Variants in SLC11A2 observed in about 807,000 individuals in gnomAD.
SLC11A2 encodes the protein natural resistance-associated macrophage protein 2.
SLC11A2 carries 38 observed loss-of-function variants against 68.0 expected under a neutral mutation model. That is an observed-to-expected ratio of 0.56 (90% CI 0.43 to 0.73). SLC11A2 has a LOEUF of 0.73. Among genes scored for constraint, SLC11A2 ranks in the 30% least tolerant of loss-of-function variants. The pLI is 0.00. For missense variants in SLC11A2, 517 were observed against 690.5 expected (o/e 0.75, Z 2.82); for synonymous variants, 242 against 250.6 (o/e 0.97, Z 0.32).
chr12:51,017,293 A>G (rs1282691705), intron 1 of SLC11A2, among the ~76,000 whole-genome samples: 2 of 152,248 alleles, frequency 1.3e-5, no homozygotes, highest in Non-Finnish European at 2.9e-5. Context: ...AATACCATGC[A>G]ACCACTATAA....
At chr12:51,014,976 C>T (rs1413769976) in intron 1 of SLC11A2, among the ~76,000 whole-genome samples, 1 of 151,752 alleles carries the variant, frequency 6.6e-6, no homozygotes, top group East Asian at 1.9e-4. Context: ...GCCTGGCCAA[C>T]ATGGTGAAAC....
chr12:50,966,709 A>G, the SLC11A2 span, among the ~76,000 whole-genome samples: 1 of 152,174 alleles, frequency 6.6e-6, no homozygotes, highest in African/African-American at 2.4e-5. Flanking sequence ...TCTATTGGCA[A>G]AGGAGTCTCA....
rs563772490 is a variant in SLC11A2, at chr12:51,002,742, C to A, written c.429+2046G>T. The stretch of plus-strand genomic sequence containing the variant: ...AGATCACGAGGTCAGGAGTTTGAGA[C>A]CAGTCTGGCCAACATAGTGAAACCT... On this transcript the variant is annotated intron_variant, in intron 5 of 15. Transcript: ENST00000262052. 4.0e-5 allele frequency among the ~76,000 whole-genome samples: 6 copies of A among 149,478 alleles called. No individual in the cohort carries two copies. The South Asian group carries it at 1.3e-3, about 32-fold the overall frequency.
chr12:51,012,200 C>G (rs1943286574), intron 1 of SLC11A2, among the ~76,000 whole-genome samples: 1 of 152,160 alleles, frequency 6.6e-6, no homozygotes, highest in African/African-American at 2.4e-5. Flanking sequence ...ACTAAGCAAC[C>G]CGCAGTGGGG....
At chr12:51,024,867 C>G (rs979975381) in intron 1 of SLC11A2, 3 of 152,168 alleles carry the variant, frequency 2.0e-5, no homozygotes, top group Non-Finnish European at 4.4e-5. Flanking sequence ...ATTCCCCTCC[C>G]GAGTCCCACT....
chr12:50,994,467 G>T, intron 11 of SLC11A2, 77 bp downstream of exon 11: 1 of 895,376 alleles, frequency 1.1e-6, no homozygotes, highest in Non-Finnish European at 1.9e-6. Flanking sequence ...TATCTGAAGT[G>T]AAGTCACAAA....
downstream of SLC11A2, chr12:50,981,774 T>C: frequency 6.5e-7 from 1 of 1,535,122 alleles, no homozygotes; most frequent in Non-Finnish European, 8.7e-7. Flanking sequence ...GAAGATAGAG[T>C]TCAGGCTGAG....
the SLC11A2 span, among the ~76,000 whole-genome samples, chr12:50,964,039 T>C: frequency 9.9e-5 from 15 of 152,208 alleles, no homozygotes. Flanking sequence ...CTCTTTGAGC[T>C]GAATCACATT....
chr12:51,001,113 T>C (rs224586), intron 5 of SLC11A2, among the ~76,000 whole-genome samples: 137,301 of 150,818 alleles, frequency 0.91, 62,764 homozygotes, highest in East Asian at 0.98. Flanking sequence ...TGCAGTGAGC[T>C]GAGATTGCGC....
At chr12:50,995,308 C>CA (rs1434201501) in intron 10 of SLC11A2, among the ~76,000 whole-genome samples, 3 of 151,588 alleles carry the variant, frequency 2.0e-5, no homozygotes, top group South Asian at 2.1e-4. Context: ...GACTCCGTCT[C>CA]AAAAAAAACA....
At position 50,987,904 on chromosome 12, in the gene SLC11A2, C is replaced by T. The variant is rs1428277887; in HGVS notation, c.*421G>A. On this transcript the variant is annotated 3_prime_UTR_variant, in exon 16 of 16. Coordinates refer to ENST00000262052, the MANE Select transcript of SLC11A2 (RefSeq NM_000617.3). Reference sequence around the variant, plus strand: ...GGAAAATTTCTCAGCCTTTAAAAATCCATTACATTTTGATAAATAAAACTT... The same window carrying T: ...GGAAAATTTCTCAGCCTTTAAAAATTCATTACATTTTGATAAATAAAACTT... The T allele has an allele frequency of 2.4e-6, 3 of 1,273,496 alleles. No homozygotes were observed. In the South Asian group the frequency reaches 3.8e-5, roughly 16 times the overall value. The allele number at this position is 1,273,496 out of a possible 1,614,324, so 78.9% of individuals were successfully genotyped here.
At chr12:50,973,217 G>C in the SLC11A2 span, among the ~76,000 whole-genome samples, 1 of 152,176 alleles carries the variant, frequency 6.6e-6, no homozygotes, top group South Asian at 2.1e-4. Flanking sequence ...TGACCCCCAA[G>C]TAGCCTAACT....
chr12:50,964,427 A>T, the SLC11A2 span, among the ~76,000 whole-genome samples: 2 of 152,220 alleles, frequency 1.3e-5, no homozygotes, highest in Admixed American at 6.5e-5. Context: ...CATTGTCTTT[A>T]ATCACAGGAC....
intron 2 of SLC11A2, chr12:51,009,075 A>G (rs761544291): frequency 2.7e-6 from 3 of 1,118,218 alleles, no homozygotes; most frequent in Non-Finnish European, 2.6e-6. Context: ...AGGCCTGTCT[A>G]GCGAAATGTC....
At chr12:50,958,316 C>G in the SLC11A2 span, among the ~76,000 whole-genome samples, 1 of 142,292 alleles carries the variant, frequency 7.0e-6, no homozygotes, top group Non-Finnish European at 1.5e-5. Flanking sequence ...GAGTCTTGCT[C>G]TGTTGCCCAG....
the SLC11A2 span, among the ~76,000 whole-genome samples, chr12:50,965,679 A>T: frequency 6.6e-6 from 1 of 152,264 alleles, no homozygotes; most frequent in East Asian, 1.9e-4. Context: ...CACTCATTCT[A>T]CCAAAGTATG....
the SLC11A2 span, among the ~76,000 whole-genome samples, chr12:50,956,251 G>A: frequency 0.15 from 22,152 of 152,090 alleles, 1,846 homozygotes; most frequent in South Asian, 0.26. Context: ...AATTAGCTGG[G>A]TGTGGTGGCA....
At chr12:50,971,439 C>A in the SLC11A2 span, among the ~76,000 whole-genome samples, 5 of 152,138 alleles carry the variant, frequency 3.3e-5, no homozygotes, top group African/African-American at 1.2e-4. Context: ...TAAAGTAGTT[C>A]TAGGAATACA....
rs1943498548 is a variant in SLC11A2 at position 51,014,788 on chromosome 12, G to A, written c.-38-4022C>T. 2.0e-5 allele frequency among the ~76,000 whole-genome samples: 3 copies of A among 152,140 alleles called. 1 individual carries two copies. The highest frequency in any genetic ancestry group is 4.1e-4 in the South Asian group (2 of 4,824). ...GAATCGTTTGAACCCAGGAGGTAGA[G>A]GTTGCAGTGAGCCGAGATCATGCCA... On this transcript the variant is annotated intron_variant, in intron 1 of 15. Coordinates refer to ENST00000262052, the MANE Select transcript of SLC11A2 (RefSeq NM_000617.3).
Sources: gnomAD v4.1 joint callset for allele counts (sites outside exome capture counted in the v4.1 genomes callset) on GRCh38, gnomAD v4.1.1 for gene constraint, MANE v1.5 for transcripts, NCBI Gene and HGNC (gene_info 2026-07-23, HGNC 2026-07-21) for gene names.